Variants in TMCC2 observed in about 807,000 individuals in gnomAD.
TMCC2 encodes the protein transmembrane and coiled-coil domain family 2.
TMCC2 carries 16 observed loss-of-function variants against 49.4 expected under a neutral mutation model. That is an observed-to-expected ratio of 0.32 (90% CI 0.22 to 0.49). The LOEUF (loss-of-function observed/expected upper bound fraction) is 0.49, where lower values mean the gene tolerates loss of function less well. TMCC2 is among the 20% of genes least tolerant of loss of function. The probability of loss-of-function intolerance (pLI) is 0.99; values close to 1 mark genes in which losing one functional copy is unlikely to be tolerated. For missense variants in TMCC2, 762 were observed against 989.8 expected (o/e 0.77, Z 3.09); for synonymous variants, 397 against 434.1 (o/e 0.91, Z 1.06).
intron 1 of TMCC2, 173 bp downstream of exon 1, chr1:205,228,944 C>T (rs561257169): frequency 1.2e-5 from 17 of 1,417,006 alleles, no homozygotes; most frequent in Non-Finnish European, 1.5e-5. Context: ...ATTTATGCCT[C>T]TGTCTTTCAG....
intron 2 of TMCC2, among the ~76,000 whole-genome samples, chr1:205,245,223 G>A (rs1324473990): frequency 1.3e-5 from 2 of 152,144 alleles, no homozygotes; most frequent in Admixed American, 6.6e-5. Context: ...AAATGAGGGA[G>A]GAAGAGGAAG....
intron 2 of TMCC2, among the ~76,000 whole-genome samples, chr1:205,254,840 C>T (rs1660798687): frequency 6.6e-6 from 1 of 152,190 alleles, no homozygotes; most frequent in Admixed American, 6.5e-5. Flanking sequence ...GCTCTCAGCT[C>T]ACTCGGCCCC....
intron 1 of TMCC2, among the ~76,000 whole-genome samples, chr1:205,239,916 C>T (rs1197086810): frequency 6.6e-6 from 1 of 151,152 alleles, no homozygotes; most frequent in Non-Finnish European, 1.5e-5. Flanking sequence ...TGTCAGGTTG[C>T]TTTTTCTTGG....
In TMCC2 at chr1:205,272,225, C is replaced by T; in HGVS notation, c.*101C>T. 1 of 1,496,764 alleles carries T rather than the reference C, an allele frequency of 6.7e-7. No individual in the cohort carries two copies. The highest frequency in any genetic ancestry group is 8.9e-7 in the Non-Finnish European group (1 of 1,123,806). 92.7% of individuals were successfully genotyped at this position (1,496,764 alleles called of 1,614,324 possible). A position where few individuals can be genotyped will look rare whatever the true frequency, so the allele number is the denominator to read the frequency against. ...TTTGTGTGTCCAGTTTGGCCTCCTG[C>T]CCAAACTGTCCATTCCAGCAGCTCC... is the stretch of plus-strand genomic sequence containing the variant. On this transcript the variant is annotated 3_prime_UTR_variant, in exon 5 of 5. Coordinates refer to ENST00000358024, the MANE Select transcript of TMCC2 (RefSeq NM_014858.4).
Position 205,271,819 on chromosome 1 carries a change from G to A in TMCC2, c.1825G>A (p.Val609Met), listed in dbSNP as rs150581410. Residue 609 changes from valine to methionine, a missense_variant, in exon 5 of 5, where the codon GTG becomes ATG. Around this residue, in one of 2 missense-constraint regions of TMCC2, gnomAD observed 440 missense variants for 636.7 expected, o/e 0.69. Coordinates refer to ENST00000358024, the MANE Select transcript of TMCC2 (RefSeq NM_014858.4). ...YERARDIQEA[V>M]ESCLTRVTKL... ...AGCCCCTCTGCCCCTGCAGGAGGCCGTGGAGTCCTGCCTGACCCGGGTCAC... is the reference window on the plus strand; with the variant it reads ...AGCCCCTCTGCCCCTGCAGGAGGCCATGGAGTCCTGCCTGACCCGGGTCAC... 35 of 1,610,066 alleles carry A rather than the reference G, an allele frequency of 2.2e-5. No homozygotes were observed. The East Asian group carries it at 6.2e-4, about 29-fold the overall frequency.
At chr1:205,251,634 T>C (rs752127772) in intron 2 of TMCC2, among the ~76,000 whole-genome samples, 1 of 152,238 alleles carries the variant, frequency 6.6e-6, no homozygotes, top group Non-Finnish European at 1.5e-5. Flanking sequence ...AACTTCATTG[T>C]ATAAGGTTTC....
intron 2 of TMCC2, among the ~76,000 whole-genome samples, chr1:205,258,958 G>A (rs1660991028): frequency 6.6e-6 from 1 of 152,216 alleles, no homozygotes; most frequent in Non-Finnish European, 1.5e-5. Context: ...GCAGATTGAA[G>A]CATCTCTGCT....
At chr1:205,249,228 A>G (rs1281421065) in intron 2 of TMCC2, among the ~76,000 whole-genome samples, 1 of 152,184 alleles carries the variant, frequency 6.6e-6, no homozygotes, top group Non-Finnish European at 1.5e-5. Flanking sequence ...AGTTCAGCCC[A>G]TCACCTAAGC....
intron 4 of TMCC2, 84 bp from the exon 5 acceptor site, chr1:205,271,729 C>T (rs879281067): frequency 1.3e-5 from 19 of 1,517,682 alleles, no homozygotes; most frequent in Non-Finnish European, 1.7e-5. Flanking sequence ...GTTATAGGCA[C>T]CTTCTCAGTG....
intron 2 of TMCC2, chr1:205,256,212 G>T: frequency 6.7e-7 from 1 of 1,481,510 alleles, no homozygotes; most frequent in East Asian, 2.5e-5. Context: ...AGTGGGTGCA[G>T]AATCCATGTC....
rs1056403137 is a variant in TMCC2 at position 205,229,197 on chromosome 1, G to A, written c.207+426G>A. On this transcript the variant is annotated intron_variant, in intron 1 of 4. Coordinates refer to ENST00000358024, the MANE Select transcript of TMCC2 (RefSeq NM_014858.4). Reference sequence around the variant, plus strand: ...TGTGTGTGTGTGTGTGTGTGTGTGTGTATGTGTGTGAGACGGAGTCTCGTT... The same window carrying A: ...TGTGTGTGTGTGTGTGTGTGTGTGTATATGTGTGTGAGACGGAGTCTCGTT... 4.4e-5 allele frequency: 35 copies of A among 799,268 alleles called. 1 individual carries two copies. The highest frequency in any genetic ancestry group is 1.2e-4 in the African/African-American group (5 of 42,908). The allele number at this position is 799,268 out of a possible 1,614,324, so 49.5% of individuals were successfully genotyped here.
intron 2 of TMCC2, chr1:205,246,379 G>T: frequency 2.6e-6 from 2 of 768,878 alleles, no homozygotes; most frequent in Non-Finnish European, 1.7e-6. Flanking sequence ...AAACATCCAC[G>T]TGGAAATGCC....
rs77588763 is a variant in TMCC2, at chr1:205,241,699, C to T, written c.402C>T (p.Tyr134=). The T allele has an allele frequency of 2.7e-5, 44 of 1,613,708 alleles. No homozygotes were observed. The highest frequency in any genetic ancestry group is 2.3e-4 in the African/African-American group (17 of 75,062). ...CTCCGGAGATGCATCGCGTCTCCTACGCCATGTCCCTGCACGACCTGCCCG... is the reference window on the plus strand; with the variant it reads ...CTCCGGAGATGCATCGCGTCTCCTATGCCATGTCCCTGCACGACCTGCCCG... ...ERSPEMHRVS[Y]AMSLHDLPAR... Residue 134 remains tyrosine (Y), a synonymous_variant, in exon 2 of 5, where the codon TAC becomes TAT. Coordinates refer to ENST00000358024, the MANE Select transcript of TMCC2 (RefSeq NM_014858.4). This position sits in a 1 kb window ranked among gnomAD's most constrained non-coding sequence, Gnocchi z 7.3.
At chr1:205,231,642 T>C (rs1659805146) in intron 1 of TMCC2, among the ~76,000 whole-genome samples, 1 of 152,182 alleles carries the variant, frequency 6.6e-6, no homozygotes, top group Non-Finnish European at 1.5e-5. Flanking sequence ...TTTCCAATGC[T>C]GGCACAGTTT....
chr1:205,233,661 A>G (rs556322651), intron 1 of TMCC2, among the ~76,000 whole-genome samples: 8 of 152,288 alleles, frequency 5.3e-5, no homozygotes, highest in African/African-American at 1.4e-4. Flanking sequence ...ATTGTGAAAC[A>G]TGCTTATAAA....
intron 2 of TMCC2, among the ~76,000 whole-genome samples, chr1:205,257,548 C>T (rs1438298166): frequency 6.6e-6 from 1 of 152,214 alleles, no homozygotes; most frequent in African/African-American, 2.4e-5. Context: ...CTTAGGCTGC[C>T]AAATGCTGGG....
intron 2 of TMCC2, chr1:205,257,146 A>C: frequency 1.6e-6 from 2 of 1,231,612 alleles, no homozygotes; most frequent in Non-Finnish European, 2.0e-6. Flanking sequence ...GCCCCAGGGG[A>C]GGGGGAAATC....
At chr1:205,248,839 C>G (rs1660557559) in intron 2 of TMCC2, among the ~76,000 whole-genome samples, 1 of 152,170 alleles carries the variant, frequency 6.6e-6, no homozygotes, top group African/African-American at 2.4e-5. Flanking sequence ...TTCAGAACCT[C>G]TCCCCAGCTG....
chr1:205,241,949 C>G lies in TMCC2; in HGVS notation c.652C>G (p.Pro218Ala). 2.5e-6 allele frequency: 4 copies of G among 1,611,646 alleles called. No individual in the cohort carries two copies. The highest frequency in any genetic ancestry group is 1.1e-5 in the South Asian group (1 of 90,952). ...CATCCTGCACCAGCACCAGTGCCGT[C>G]CCCGCTCTTCCTCCACCACCGACAC... ...AAILHQHQCR[P>A]RSSSTTDTAL... Residue 218 changes from proline (P) to alanine (A), a missense_variant, in exon 2 of 5, where the codon CCC becomes GCC. By Grantham distance (27) the Pro-to-Ala change is conservative. Around this residue, in one of 2 missense-constraint regions of TMCC2, gnomAD observed 322 missense variants for 353.1 expected, o/e 0.91. Transcript: ENST00000358024. The surrounding 1 kb of genome is among the most constrained non-coding windows in gnomAD (Gnocchi z 7.3).
Sources: gnomAD v4.1 joint callset for allele counts (sites outside exome capture counted in the v4.1 genomes callset) on GRCh38, gnomAD v4.1.1 for gene constraint, gnomAD v4.1.1 regional missense constraint, Gnocchi (gnomAD v3.1) non-coding constraint, MANE v1.5 for transcripts, NCBI Gene and HGNC (gene_info 2026-07-23, HGNC 2026-07-21) for gene names.